NPAS3: variants seen among roughly 807,000 people sequenced by gnomAD.
NPAS3 encodes neuronal PAS domain protein 3.
A neutral mutation model predicts 73.1 loss-of-function variants in NPAS3; 14 were observed. That is an observed-to-expected ratio of 0.19 (90% CI 0.13 to 0.30). NPAS3 has a LOEUF of 0.30. Among genes scored for constraint, NPAS3 ranks in the 10% least tolerant of loss-of-function variants. The probability of loss-of-function intolerance (pLI) is 1.00; values close to 1 mark genes in which losing one functional copy is unlikely to be tolerated. For missense variants in NPAS3, 1,096 were observed against 1,250.0 expected, an observed-to-expected ratio of 0.88 and a Z score of 1.86; for synonymous variants, 620 against 541.5, an observed-to-expected ratio of 1.14 and a Z score of -2.01.
chr14:33,717,554 G>T (rs557881295), intron 6 of NPAS3, among the ~76,000 whole-genome samples: 1 of 152,050 alleles, frequency 6.6e-6, no homozygotes, highest in South Asian at 2.1e-4. Flanking sequence ...GGAAAATAAA[G>T]TAAAAATTAA....
intron 2 of NPAS3, among the ~76,000 whole-genome samples, chr14:33,142,191 CTTTTTTT>C (rs10709910): frequency 5.3e-5 from 2 of 38,086 alleles, no homozygotes; most frequent in African/African-American, 2.2e-4. Context: ...TTTGTATAAG[CTTTTTTT>C]TTTTTTTTTT....
intron 5 of NPAS3, among the ~76,000 whole-genome samples, chr14:33,664,023 T>C (rs111729309): frequency 0.02 from 2,986 of 151,930 alleles, 91 homozygotes; most frequent in African/African-American, 0.068. Context: ...TGAAGGGGTT[T>C]TCGTGTCTCT....
chr14:33,224,109 A>G (rs867607737), intron 3 of NPAS3, among the ~76,000 whole-genome samples: 12 of 152,280 alleles, frequency 7.9e-5, no homozygotes, highest in Middle Eastern at 3.4e-3. Flanking sequence ...TATTTTAGTC[A>G]TGACATCTTG....
intron 5 of NPAS3, among the ~76,000 whole-genome samples, chr14:33,663,668 TG>T (rs2059372851): frequency 6.6e-6 from 1 of 152,206 alleles, no homozygotes; most frequent in South Asian, 2.1e-4. Flanking sequence ...TGAATCCGTC[TG>T]GTCCTGGGGT....
intron 5 of NPAS3, among the ~76,000 whole-genome samples, chr14:33,626,220 A>G (rs1434200914): frequency 6.6e-6 from 1 of 152,218 alleles, no homozygotes; most frequent in Non-Finnish European, 1.5e-5. Flanking sequence ...ATCTAAGTAT[A>G]TTAAAATTTC....
chr14:33,609,908 G>C (rs996081189), intron 5 of NPAS3, among the ~76,000 whole-genome samples: 6 of 152,032 alleles, frequency 3.9e-5, no homozygotes, highest in Non-Finnish European at 7.4e-5. Flanking sequence ...GTTCGAAGCT[G>C]GGGTTTTAAA....
intron 4 of NPAS3, among the ~76,000 whole-genome samples, chr14:33,424,389 C>G (rs2048471616): frequency 6.6e-6 from 1 of 151,870 alleles, no homozygotes; most frequent in South Asian, 2.1e-4. Flanking sequence ...GACCAAGATG[C>G]CCATGAAGGG....
At chr14:33,404,781 C>T (rs2138801681) in intron 4 of NPAS3, among the ~76,000 whole-genome samples, 1 of 152,004 alleles carries the variant, frequency 6.6e-6, no homozygotes, top group South Asian at 2.1e-4. Context: ...CAGATTCTAC[C>T]CTCTGGAATG....
chr14:32,946,369 C>CACAG (rs1277437982), intron 1 of NPAS3, among the ~76,000 whole-genome samples: 3 of 151,554 alleles, frequency 2.0e-5, no homozygotes, highest in African/African-American at 7.3e-5. Flanking sequence ...CACACACACA[C>CACAG]ACACACACAC....
intron 5 of NPAS3, among the ~76,000 whole-genome samples, chr14:33,661,216 C>A (rs1348606810): frequency 6.6e-6 from 1 of 151,938 alleles, no homozygotes; most frequent in East Asian, 1.9e-4. Context: ...TTTTTGAAAC[C>A]CTGCTAATTA....
intron 4 of NPAS3, among the ~76,000 whole-genome samples, chr14:33,422,391 T>G (rs2048391617): frequency 6.6e-6 from 1 of 151,862 alleles, no homozygotes; most frequent in South Asian, 2.1e-4. Flanking sequence ...TGAGAAAGAC[T>G]ATAAGCAAGA....
intron 2 of NPAS3, among the ~76,000 whole-genome samples, chr14:33,130,439 G>T (rs1352066715): frequency 6.6e-6 from 1 of 152,100 alleles, no homozygotes; most frequent in Non-Finnish European, 1.5e-5. Context: ...TCCTTTCCCT[G>T]AATGTGAAAT....
At chr14:32,971,020 C>G (rs2037396602) in intron 1 of NPAS3, among the ~76,000 whole-genome samples, 2 of 151,980 alleles carry the variant, frequency 1.3e-5, no homozygotes. Context: ...GGAAGTATGG[C>G]ACTCTCTCTT....
chr14:33,599,187 C>T (rs544276524), intron 5 of NPAS3, among the ~76,000 whole-genome samples: 6 of 152,300 alleles, frequency 3.9e-5, no homozygotes, highest in Admixed American at 2.0e-4. Context: ...TATTTATTTG[C>T]TCCCCAACCT....
intron 6 of NPAS3, among the ~76,000 whole-genome samples, chr14:33,694,127 A>T (rs890978241): frequency 1.3e-5 from 2 of 152,184 alleles, no homozygotes; most frequent in African/African-American, 4.8e-5. Flanking sequence ...GACAGTGCTG[A>T]TGAAATGGGT....
chr14:33,188,183 A>G (rs1180053911), intron 2 of NPAS3, among the ~76,000 whole-genome samples: 1 of 152,182 alleles, frequency 6.6e-6, no homozygotes, highest in Non-Finnish European at 1.5e-5. Flanking sequence ...GCTCATTGAC[A>G]TATAGTAAGT....
intron 4 of NPAS3, among the ~76,000 whole-genome samples, chr14:33,367,527 G>A (rs907802662): frequency 2.6e-5 from 4 of 152,036 alleles, no homozygotes; most frequent in Non-Finnish European, 2.9e-5. Context: ...TAGTTCATGC[G>A]CCATGTGTAG....
chr14:33,555,889 G>GTGT (rs1555411751), intron 4 of NPAS3, among the ~76,000 whole-genome samples: 12 of 148,484 alleles, frequency 8.1e-5, no homozygotes, highest in East Asian at 2.0e-4. Context: ...AATTGTTGTT[G>GTGT]GTGTGTCTGT....
intron 6 of NPAS3, among the ~76,000 whole-genome samples, chr14:33,723,740 A>G (rs2061183199): frequency 6.6e-6 from 1 of 151,940 alleles, no homozygotes; most frequent in Admixed American, 6.6e-5. Context: ...AAAAGAAAAG[A>G]AAAAAGAAAA....
Sources: allele counts gnomAD v4.1 joint callset (sites outside exome capture counted in the v4.1 genomes callset), GRCh38; gene constraint gnomAD v4.1.1; transcripts MANE v1.5; gene names NCBI Gene and HGNC (gene_info 2026-07-23, HGNC 2026-07-21).